The following ZNF441 variants were observed in gnomAD, a reference collection of about 807,000 sequenced individuals.
ZNF441 encodes the protein zinc finger protein 441.
ZNF441 carries 25 observed loss-of-function variants against 64.5 expected under a neutral mutation model. The ratio of observed to expected loss-of-function variants is 0.39; its 90% CI spans 0.28 to 0.54. The LOEUF (loss-of-function observed/expected upper bound fraction) is 0.54. ZNF441 is among the 20% of genes least tolerant of loss of function. ZNF441 has a pLI of 0.70. For missense variants in ZNF441, 715 were observed against 843.3 expected, an observed-to-expected ratio of 0.85 and a Z score of 1.88; for synonymous variants, 262 against 268.0, an observed-to-expected ratio of 0.98 and a Z score of 0.22.
intron 1 of ZNF441, among the ~76,000 whole-genome samples, chr19:11,773,936 T>C (rs1466603298): frequency 6.6e-6 from 1 of 152,204 alleles, no homozygotes; most frequent in East Asian, 1.9e-4. Flanking sequence ...ACTGATGTAA[T>C]TGGATTAATA....
Position 11,781,705 on chromosome 19 carries a change from A to G in ZNF441, c.1881A>G (p.Ser627=). 2 of 1,614,096 alleles carry G rather than the reference A, an allele frequency of 1.2e-6. No individual in the cohort carries two copies. Among genetic ancestry groups the G allele is most frequent in the Non-Finnish European group, 1.7e-6 (2 of 1,179,962 alleles). Residue 627 remains serine, a synonymous_variant, in exon 4 of 4, where the codon TCA becomes TCG. Transcript: ENST00000357901. ...AATGTGGTAAAGCCTTCAGTCATTC[A>G]AGTTACTTACGAATACACGAAAGAG... The part of the protein sequence containing the change: ...CKECGKAFSH[S]SYLRIHERVH...
chr19:11,781,181 G>A lies in ZNF441; in HGVS notation c.1357G>A (p.Gly453Arg), dbSNP rs759087202. 1.1e-5 allele frequency: 18 copies of A among 1,613,594 alleles called. No individual in the cohort carries two copies. The highest frequency in any genetic ancestry group is 5.5e-5 in the South Asian group (5 of 91,066). Residue 453 changes from glycine to arginine, a missense_variant, in exon 4 of 4, where the codon GGA becomes AGA. Transcript: ENST00000357901. ...GAGACCCTATAAATGTAAACAATGCGGAAAAGCCTTCAGGTCTTCCAATTA... is the reference window on the plus strand; with the variant it reads ...GAGACCCTATAAATGTAAACAATGCAGAAAAGCCTTCAGGTCTTCCAATTA... ...GERPYKCKQCGKAFRSSNYIR... is the reference protein window; with the variant it reads ...GERPYKCKQCRKAFRSSNYIR...
rs1378015277 is a variant in ZNF441 at position 11,781,529 on chromosome 19, T to C, written c.1705T>C (p.Ser569Pro). The change falls in exon 4 of 4, where the codon TCT becomes CCT. Residue 569 changes from serine to proline, a missense_variant. Ser to Pro is a moderately conservative substitution (Grantham distance 74). Around this residue, in one of 2 missense-constraint regions of ZNF441, gnomAD observed 316 missense variants for 429.3 expected, o/e 0.74. Coordinates refer to ENST00000357901, the MANE Select transcript of ZNF441 (RefSeq NM_152355.3). The part of the protein sequence containing the change: ...YGCQQCGKAL[S>P]DLSSFRRHMI... ...TTGTCAGCAATGTGGGAAAGCATTA[T>C]CTGATCTCTCAAGCTTTCGAAGACA... is the stretch of plus-strand genomic sequence containing the variant. 4 of 1,613,758 alleles carry C rather than the reference T, an allele frequency of 2.5e-6. No individual in the cohort carries two copies. Among genetic ancestry groups the C allele is most frequent in the East Asian group, 4.5e-5 (2 of 44,860 alleles).
chr19:11,780,148 T>C lies in ZNF441; in HGVS notation c.324T>C (p.Cys108=), dbSNP rs763672574. 5.0e-6 allele frequency: 8 copies of C among 1,614,098 alleles called. No individual in the cohort carries two copies. Among genetic ancestry groups the C allele is most frequent in the Non-Finnish European group, 6.8e-6 (8 of 1,180,044 alleles). ...PGVDPWESSE[C]TDVLMGRSSL... Reference sequence around the variant, plus strand: ...TAGATCCATGGGAAAGCAGTGAGTGTACAGACGTCCTCATGGGTCGTTCAT... The same window carrying C: ...TAGATCCATGGGAAAGCAGTGAGTGCACAGACGTCCTCATGGGTCGTTCAT... The change falls in exon 4 of 4, where the codon TGT becomes TGC. Residue 108 remains cysteine (C), a synonymous_variant. Coordinates refer to ENST00000357901, the MANE Select transcript of ZNF441 (RefSeq NM_152355.3).
chr19:11,767,327 C>G lies in ZNF441; in HGVS notation c.3+131C>G, dbSNP rs1975278463. ...GGCGCAGCTCGGCCCTCGGTTCCCTCGGCCGCACGATGGGGCTGGGGCGGC... is the reference window on the plus strand; with the variant it reads ...GGCGCAGCTCGGCCCTCGGTTCCCTGGGCCGCACGATGGGGCTGGGGCGGC... On this transcript the variant is annotated intron_variant, in intron 1 of 3. Transcript: ENST00000357901. This position sits in a 1 kb window ranked among gnomAD's most constrained non-coding sequence, Gnocchi z 5.1. 1.1e-5 allele frequency: 15 copies of G among 1,418,866 alleles called. No individual in the cohort carries two copies. The highest frequency in any genetic ancestry group is 1.4e-5 in the Non-Finnish European group (15 of 1,037,274). The allele number at this position is 1,418,866 out of a possible 1,614,324, so 87.9% of individuals were successfully genotyped here.
rs112865882 is a variant in ZNF441, at chr19:11,767,365, G to C, written c.3+169G>C. ...GGGCTGGGGCGGCAGCCGGGACCCC[G>C]GGCGTCCTGTCCCGTCCCTGCGCGG... On this transcript the variant is annotated intron_variant, in intron 1 of 3. Coordinates refer to ENST00000357901, the MANE Select transcript of ZNF441 (RefSeq NM_152355.3). This position sits in a 1 kb window ranked among gnomAD's most constrained non-coding sequence, Gnocchi z 5.1. 0.021 allele frequency among the ~76,000 whole-genome samples: 3,250 copies of C among 152,316 alleles called. 120 individuals are homozygous for C. Among genetic ancestry groups the C allele is most frequent in the African/African-American group, 0.075 (3,125 of 41,574 alleles).
At position 11,768,668 on chromosome 19, in the gene ZNF441, G is replaced by A. The variant is rs183008335; in HGVS notation, c.3+1472G>A. ...CCAGAGGACACCCTGAGGTGGAGAT[G>A]GTGGGACCTTGTAGGGAAGCAGCAT... On this transcript the variant is annotated intron_variant, in intron 1 of 3. Transcript: ENST00000357901. Among the ~76,000 whole-genome samples, 6 of 152,288 alleles carry A rather than the reference G, an allele frequency of 3.9e-5. No individual in the cohort carries two copies. In the East Asian group the frequency reaches 9.6e-4, roughly 24 times the overall value.
intron 3 of ZNF441, among the ~76,000 whole-genome samples, chr19:11,779,178 G>A (rs1975376501): frequency 1.3e-5 from 2 of 151,888 alleles, no homozygotes; most frequent in South Asian, 4.2e-4. Context: ...AATTAGCTAG[G>A]CATGGTGGCC....
intron 1 of ZNF441, among the ~76,000 whole-genome samples, chr19:11,769,290 C>T (rs1975294982): frequency 6.6e-6 from 1 of 152,168 alleles, no homozygotes; most frequent in Non-Finnish European, 1.5e-5. Flanking sequence ...AGATGCTGGG[C>T]AGAAGATGGA....
rs770507753 is a variant in ZNF441 at position 11,780,360 on chromosome 19, C to A, written c.536C>A (p.Ser179Tyr). 5 of 1,614,056 alleles carry A rather than the reference C, an allele frequency of 3.1e-6. No homozygotes were observed. Among genetic ancestry groups the A allele is most frequent in the Non-Finnish European group, 4.2e-6 (5 of 1,180,046 alleles). ...YDCKECASFS[S>Y]LENLQRHMAA... Reference sequence around the variant, plus strand: ...TGTAAGGAATGTGCAAGCTTCAGTTCTCTTGAAAACCTTCAAAGACACATG... The same window carrying A: ...TGTAAGGAATGTGCAAGCTTCAGTTATCTTGAAAACCTTCAAAGACACATG... Residue 179 changes from serine (S) to tyrosine (Y), a missense_variant, in exon 4 of 4, where the codon TCT becomes TAT. This residue lies in a region of ZNF441 where 399 missense variants were observed against 413.9 expected (regional missense o/e 0.96). Coordinates refer to ENST00000357901, the MANE Select transcript of ZNF441 (RefSeq NM_152355.3).
chr19:11,772,843 A>G (rs560220828), intron 1 of ZNF441, among the ~76,000 whole-genome samples: 14 of 152,138 alleles, frequency 9.2e-5, no homozygotes, highest in Non-Finnish European at 1.8e-4. Flanking sequence ...CAGTGAGATA[A>G]TAACACTGCA....
rs1372555317 is a variant in ZNF441 at position 11,780,565 on chromosome 19, T to C, written c.741T>C (p.Ser247=). 2 of 1,614,046 alleles carry C rather than the reference T, an allele frequency of 1.2e-6. No homozygotes were observed. Among genetic ancestry groups the C allele is most frequent in the African/African-American group, 2.7e-5 (2 of 74,924 alleles). Residue 247 remains serine (S), a synonymous_variant, in exon 4 of 4, where the codon AGT becomes AGC. Coordinates refer to ENST00000357901, the MANE Select transcript of ZNF441 (RefSeq NM_152355.3). The part of the protein sequence containing the change: ...SSTLRHERTH[S]GEKPYQCKQC... ...CTCTAAGACATGAAAGAACACACAG[T>C]GGAGAGAAACCCTATCAATGTAAAC...
intron 1 of ZNF441, among the ~76,000 whole-genome samples, chr19:11,770,393 G>T (rs933513020): frequency 1.3e-5 from 2 of 152,086 alleles, no homozygotes; most frequent in East Asian, 3.9e-4. Flanking sequence ...TTAGATTTGG[G>T]TGGTGACAAA....
At chr19:11,779,145 G>A (rs572799529) in intron 3 of ZNF441, among the ~76,000 whole-genome samples, 2 of 151,026 alleles carry the variant, frequency 1.3e-5, no homozygotes, top group East Asian at 2.0e-4. Context: ...GTGGCAAGAC[G>A]CCCTTTCTAC....
rs1218905728 is a variant in ZNF441 at position 11,782,054 on chromosome 19, A to G, written c.*148A>G. On this transcript the variant is annotated 3_prime_UTR_variant, in exon 4 of 4. Coordinates refer to ENST00000357901, the MANE Select transcript of ZNF441 (RefSeq NM_152355.3). ...ATTTTTTTCAGTACCTTTTGAAAAC[A>G]TGACCAAACTCATACTTCAAAAATA... The G allele has an allele frequency of 3.5e-6, 2 of 565,346 alleles. No individual in the cohort carries two copies. The highest frequency in any genetic ancestry group is 5.8e-6 in the Non-Finnish European group (2 of 345,974). 35.0% of individuals were successfully genotyped at this position (565,346 alleles called of 1,614,324 possible).
At chr19:11,770,880 C>T (rs200650348) in intron 1 of ZNF441, among the ~76,000 whole-genome samples, 48 of 151,166 alleles carry the variant, frequency 3.2e-4, no homozygotes, top group Middle Eastern at 3.4e-3. Context: ...TGAGCCACCA[C>T]GCCTAGCCTA....
Position 11,767,457 on chromosome 19 carries a change from G to T in ZNF441, c.3+261G>T, listed in dbSNP as rs1013795848. Among the ~76,000 whole-genome samples the T allele has an allele frequency of 2.6e-5, 4 of 152,272 alleles. No homozygotes were observed. Among genetic ancestry groups the T allele is most frequent in the Admixed American group, 6.5e-5 (1 of 15,294 alleles). The stretch of plus-strand genomic sequence containing the variant: ...GCGCCCGCAGTCCTGCGTCTCCCCA[G>T]ATTGTGCGGCTGTAACCGGCACAGG... On this transcript the variant is annotated intron_variant, in intron 1 of 3. Coordinates refer to ENST00000357901, the MANE Select transcript of ZNF441 (RefSeq NM_152355.3). The surrounding 1 kb of genome is among the most constrained non-coding windows in gnomAD (Gnocchi z 5.1).
Position 11,780,254 on chromosome 19 carries a change from A to G in ZNF441, c.430A>G (p.Thr144Ala). 1.2e-6 allele frequency: 2 copies of G among 1,614,192 alleles called. No individual in the cohort carries two copies. The highest frequency in any genetic ancestry group is 1.7e-6 in the Non-Finnish European group (2 of 1,180,016). Residue 144 changes from threonine (T) to alanine (A), a missense_variant, in exon 4 of 4, where the codon ACA (threonine) becomes GCA (alanine). By Grantham distance (58) the Thr-to-Ala change is moderately conservative. Transcript: ENST00000357901. ...QEYGEKPYTHTQCGTAFSYQP... is the reference protein window; with the variant it reads ...QEYGEKPYTHAQCGTAFSYQP... The stretch of plus-strand genomic sequence containing the variant: ...ATATGGAGAGAAGCCATATACACAT[A>G]CACAATGTGGGACAGCTTTCAGTTA...
rs62110786 is a variant in ZNF441, at chr19:11,779,898, G to A, written c.195-121G>A. Reference sequence around the variant, plus strand: ...TACACTCCAGCCTGGGCAACAGAGCGAGAACCTGTCTCAGAAAAAAAAAAG... The same window carrying A: ...TACACTCCAGCCTGGGCAACAGAGCAAGAACCTGTCTCAGAAAAAAAAAAG... On this transcript the variant is annotated intron_variant, in intron 3 of 3. Coordinates refer to ENST00000357901, the MANE Select transcript of ZNF441 (RefSeq NM_152355.3). 3.7e-3 allele frequency: 3,357 copies of A among 899,040 alleles called. 8 individuals are homozygous for A. Among genetic ancestry groups the A allele is most frequent in the Non-Finnish European group, 4.6e-3 (2,834 of 614,000 alleles). 55.7% of individuals were successfully genotyped at this position (899,040 alleles called of 1,614,324 possible).
Sources: gnomAD v4.1 joint callset for allele counts (sites outside exome capture counted in the v4.1 genomes callset) on GRCh38, gnomAD v4.1.1 for gene constraint, gnomAD v4.1.1 regional missense constraint, Gnocchi (gnomAD v3.1) non-coding constraint, MANE v1.5 for transcripts, NCBI Gene and HGNC (gene_info 2026-07-23, HGNC 2026-07-21) for gene names.